The following ZFHX3 variants were observed in gnomAD, a reference collection of about 807,000 sequenced individuals.
ZFHX3 encodes the protein zinc finger homeobox 3.
A neutral mutation model predicts 279.1 loss-of-function variants in ZFHX3; 42 were observed. That is an observed-to-expected ratio of 0.15 (90% confidence interval 0.12 to 0.19). The LOEUF (loss-of-function observed/expected upper bound fraction) is 0.19. Among genes scored for constraint, ZFHX3 ranks in the 10% least tolerant of loss-of-function variants. The pLI is 1.00. For missense variants in ZFHX3, 4,981 were observed against 4,754.0 expected (o/e 1.05, Z -1.40); for synonymous variants, 2,293 against 1,957.8 (o/e 1.17, Z -4.52).
At chr16:73,369,599 G>A (rs2016587975) in intron 3 of ZFHX3, among the ~76,000 whole-genome samples, 2 of 152,120 alleles carry the variant, frequency 1.3e-5, no homozygotes, top group South Asian at 4.2e-4. Context: ...GAAAAAGTCC[G>A]GCTCCACCAC....
At chr16:73,364,893 G>A (rs986318382) in intron 3 of ZFHX3, among the ~76,000 whole-genome samples, 7 of 152,132 alleles carry the variant, frequency 4.6e-5, no homozygotes, top group South Asian at 2.1e-4. Flanking sequence ...CATTTCCCAC[G>A]GGTGAGCCAC....
chr16:72,890,441 A>T (rs896355592), intron 3 of ZFHX3, among the ~76,000 whole-genome samples: 5 of 151,142 alleles, frequency 3.3e-5, no homozygotes, highest in Non-Finnish European at 7.4e-5. Context: ...GGCAGTTCTT[A>T]GTAGCAGCAC....
chr16:72,808,732 C>T (rs1327706632), intron 7 of ZFHX3, among the ~76,000 whole-genome samples: 1 of 152,230 alleles, frequency 6.6e-6, no homozygotes, highest in African/African-American at 2.4e-5. Context: ...GGAGCAGTGT[C>T]TCCTACATAA....
Position 73,179,160 on chromosome 16 carries a change from C to T in ZFHX3, c.-1103-35329G>A, listed in dbSNP as rs1271458251. Among the ~76,000 whole-genome samples, 9 of 152,318 alleles carry T rather than the reference C, an allele frequency of 5.9e-5. No homozygotes were observed. In the East Asian group the frequency reaches 1.7e-3, roughly 29 times the overall value. On this transcript the variant is annotated intron_variant, in intron 5 of 17. Coordinates refer to the ZFHX3 transcript ENST00000641206. ...TACACAGATTGCCCTTGTTTGGTGG[C>T]TTGGCATTTGATTTCTGGAACCAAA... is the stretch of plus-strand genomic sequence containing the variant.
rs1309052897 is a variant in ZFHX3 at position 72,958,241 on chromosome 16, G to A, written c.1905C>T (p.Pro635=). The A allele has an allele frequency of 4.3e-6, 7 of 1,612,784 alleles. No homozygotes were observed. Among genetic ancestry groups the A allele is most frequent in the South Asian group, 1.1e-5 (1 of 91,076 alleles). The change falls in exon 2 of 10, where the codon CCC becomes CCT. Residue 635 remains proline, a synonymous_variant. Transcript: ENST00000268489. ...SLCELGVGEC[P]SGSGVECPKC... Reference sequence around the variant, plus strand: ...TGGGGCACTCCACGCCACTCCCCGAGGGGCACTCCCCAACCCCAAGCTCGC... The same window carrying A: ...TGGGGCACTCCACGCCACTCCCCGAAGGGCACTCCCCAACCCCAAGCTCGC...
intron 3 of ZFHX3, among the ~76,000 whole-genome samples, chr16:73,430,461 C>T (rs957468277): frequency 1.3e-5 from 2 of 152,290 alleles, no homozygotes; most frequent in East Asian, 1.9e-4. Context: ...GGGCACTGTT[C>T]TAGGTGCTGA....
intron 1 of ZFHX3, among the ~76,000 whole-genome samples, chr16:73,021,851 A>T (rs1964310556): frequency 6.6e-6 from 1 of 150,906 alleles, no homozygotes; most frequent in Non-Finnish European, 1.5e-5. Context: ...AAAAAAAAAA[A>T]AATCAATGAC....
intron 1 of ZFHX3, among the ~76,000 whole-genome samples, chr16:72,964,627 C>G (rs1190482331): frequency 6.7e-6 from 1 of 149,230 alleles, no homozygotes; most frequent in Non-Finnish European, 1.5e-5. Context: ...GATCGGGCCA[C>G]TGCATTCCAG....
Position 73,756,560 on chromosome 16 carries a change from G to A in ZFHX3, c.-1607-76320C>T, listed in dbSNP as rs185214047. ...GATCCTCCTCCCGCCCTTCACTGGG[G>A]AGGGAGACCAAGCTGACCTTGGCCT... On this transcript the variant is annotated intron_variant, in intron 1 of 17. Transcript: ENST00000641206. Among the ~76,000 whole-genome samples, 11 of 148,128 alleles carry A rather than the reference G, an allele frequency of 7.4e-5. No individual in the cohort carries two copies. In the East Asian group the frequency reaches 2.1e-3, roughly 29 times the overall value.
chr16:73,400,424 G>C (rs982134688), intron 3 of ZFHX3: 1 of 152,202 alleles, frequency 6.6e-6, no homozygotes, highest in African/African-American at 2.4e-5. Flanking sequence ...GGAAGGAAGA[G>C]CTGAACCATT....
rs144071055 is a variant in ZFHX3, at chr16:73,114,083, G to A, written c.-897+16885C>T. ...AGTGCTGGGATTACCGACGTGAGCT[G>A]CTGTGCCCGGCCATTTTTTTTTAAG... is the stretch of plus-strand genomic sequence containing the variant. On this transcript the variant is annotated intron_variant, in intron 7 of 17. Coordinates refer to the ZFHX3 transcript ENST00000641206. Among the ~76,000 whole-genome samples, 714 of 151,590 alleles carry A rather than the reference G, an allele frequency of 4.7e-3. 8 individuals are homozygous for A. Among genetic ancestry groups the A allele is most frequent in the African/African-American group, 0.017 (694 of 41,172 alleles).
At chr16:72,942,061 T>C (rs1266783726) in intron 3 of ZFHX3, among the ~76,000 whole-genome samples, 2 of 152,236 alleles carry the variant, frequency 1.3e-5, no homozygotes, top group Non-Finnish European at 2.9e-5. Flanking sequence ...TGCCTTTTCC[T>C]GACTATGTTC....
chr16:72,793,203 G>A lies in ZFHX3; in HGVS notation c.9427+52C>T. 6.5e-7 allele frequency: 1 copy of A among 1,546,500 alleles called. No individual in the cohort carries two copies. Among genetic ancestry groups the A allele is most frequent in the East Asian group, 2.3e-5 (1 of 44,358 alleles). ...TTGGGTGGTATCCACATAACAGAAT[G>A]CTGACTGGGCAGCTATTTAGCCCTG... On this transcript the variant is annotated intron_variant, in intron 9 of 9. Transcript: ENST00000268489. The surrounding 1 kb of genome is among the most constrained non-coding windows in gnomAD (Gnocchi z 4.3).
chr16:72,797,416 G>A lies in ZFHX3; in HGVS notation c.5266C>T (p.Leu1756=). 1 of 1,612,494 alleles carries A rather than the reference G, an allele frequency of 6.2e-7. No individual in the cohort carries two copies. Among genetic ancestry groups the A allele is most frequent in the Non-Finnish European group, 8.5e-7 (1 of 1,179,242 alleles). Residue 1756 remains leucine (L), a synonymous_variant, in exon 9 of 10, where the codon CTG becomes TTG. Coordinates refer to ENST00000268489, the MANE Select transcript of ZFHX3 (RefSeq NM_006885.4). ...GCCTGTTGCTGCAGCTCCTGCTGCA[G>A]GTGAGCTTGAACTTGAGCCTGGGCC... is the stretch of plus-strand genomic sequence containing the variant. ...AQAQAQVQAH[L]QQELQQQAAL...
intron 2 of ZFHX3, among the ~76,000 whole-genome samples, chr16:73,477,113 GA>G (rs1362179125): frequency 1.3e-5 from 2 of 152,154 alleles, no homozygotes; most frequent in East Asian, 3.8e-4. Flanking sequence ...TGATAACAAT[GA>G]AAAATCATGC....
intron 4 of ZFHX3, among the ~76,000 whole-genome samples, chr16:73,297,301 C>T (rs924070860): frequency 1.3e-5 from 2 of 152,028 alleles, no homozygotes; most frequent in African/African-American, 4.8e-5. Context: ...GTCTCAAAGC[C>T]CACGTGTTTA....
chr16:72,934,111 C>G (rs557530831), intron 3 of ZFHX3, among the ~76,000 whole-genome samples: 1 of 152,310 alleles, frequency 6.6e-6, no homozygotes, highest in African/African-American at 2.4e-5. Flanking sequence ...AGCCACCACG[C>G]CCGGCCACAG....
chr16:73,784,420 AG>A (rs1959571824), intron 1 of ZFHX3, among the ~76,000 whole-genome samples: 1 of 152,098 alleles, frequency 6.6e-6, no homozygotes, highest in Non-Finnish European at 1.5e-5. Context: ...AAAAGAAAAA[AG>A]AAAGACAGAT....
chr16:73,786,531 T>C (rs1209707703), intron 1 of ZFHX3, among the ~76,000 whole-genome samples: 1 of 152,178 alleles, frequency 6.6e-6, no homozygotes, highest in Non-Finnish European at 1.5e-5. Flanking sequence ...TGAATTTCCT[T>C]AGAAGGAGGA....
Sources: allele counts gnomAD v4.1 joint callset (sites outside exome capture counted in the v4.1 genomes callset), GRCh38; gene constraint gnomAD v4.1.1; non-coding constraint Gnocchi (gnomAD v3.1); transcripts MANE v1.5; gene names NCBI Gene and HGNC (gene_info 2026-07-23, HGNC 2026-07-21).